ZFR: variants seen among roughly 807,000 people sequenced by gnomAD.
ZFR encodes zinc finger RNA binding protein, also known as zinc finger RNA-binding protein.
ZFR carries 19 observed loss-of-function variants against 130.7 expected under a neutral mutation model. The ratio of observed to expected loss-of-function variants is 0.15; its 90% CI spans 0.10 to 0.21. The LOEUF is 0.21. Ranked by LOEUF, ZFR falls within the 10% of genes least tolerant of loss-of-function variation. ZFR has a pLI of 1.00. For missense variants in ZFR, 872 were observed against 1,321.5 expected (o/e 0.66, Z 5.27); for synonymous variants, 466 against 456.9 (o/e 1.02, Z -0.25).
At position 32,419,802 on chromosome 5, in the gene ZFR, A is replaced by C; in HGVS notation, c.420+19T>G. 6.4e-7 allele frequency: 1 copy of C among 1,573,348 alleles called. No individual in the cohort carries two copies. The highest frequency in any genetic ancestry group is 8.6e-7 in the Non-Finnish European group (1 of 1,158,246). On this transcript the variant is annotated intron_variant, in intron 3 of 19. Coordinates refer to ENST00000265069, the MANE Select transcript of ZFR (RefSeq NM_016107.5). ...AGAAACCCGCACATTCAGGCTACCA[A>C]AACTAGTAGTTTTCTTACCTGGTAG... is the stretch of plus-strand genomic sequence containing the variant.
At chr5:32,356,715 G>A (rs954903897) in intron 19 of ZFR, among the ~76,000 whole-genome samples, 2 of 152,048 alleles carry the variant, frequency 1.3e-5, no homozygotes, top group Admixed American at 6.6e-5. Flanking sequence ...CACTGCGCCC[G>A]GCCTCCAAGT....
At chr5:32,389,966 C>T (rs1161591675) in intron 12 of ZFR, among the ~76,000 whole-genome samples, 1 of 152,228 alleles carries the variant, frequency 6.6e-6, no homozygotes, top group Non-Finnish European at 1.5e-5. Context: ...GCCTGGCCAA[C>T]GTGGCGAAAC....
chr5:32,413,543 A>G (rs1753756601), intron 5 of ZFR, among the ~76,000 whole-genome samples: 1 of 151,994 alleles, frequency 6.6e-6, no homozygotes, highest in Non-Finnish European at 1.5e-5. Context: ...ACTCATGTAA[A>G]TAAAAATTAT....
chr5:32,376,890 A>G (rs1752825290), intron 17 of ZFR, among the ~76,000 whole-genome samples: 1 of 151,334 alleles, frequency 6.6e-6, no homozygotes. Flanking sequence ...GAGGCAGGAG[A>G]ATCGCTTGAA....
At chr5:32,408,060 A>C (rs1480413801) in intron 5 of ZFR, among the ~76,000 whole-genome samples, 1 of 152,170 alleles carries the variant, frequency 6.6e-6, no homozygotes, top group African/African-American at 2.4e-5. Context: ...TATTTTTATA[A>C]CTAAGTAGTA....
At chr5:32,372,086 T>C (rs1241141712) in intron 17 of ZFR, among the ~76,000 whole-genome samples, 1 of 152,178 alleles carries the variant, frequency 6.6e-6, no homozygotes, top group African/African-American at 2.4e-5. Context: ...AGTGCCATAG[T>C]ATATTTGATG....
intron 19 of ZFR, among the ~76,000 whole-genome samples, chr5:32,359,087 T>C (rs1477525677): frequency 6.6e-6 from 1 of 151,726 alleles, no homozygotes; most frequent in African/African-American, 2.4e-5. Flanking sequence ...CTTGCAAGGC[T>C]AAGGCAGGAT....
chr5:32,388,618 G>A lies in ZFR; in HGVS notation c.2199C>T (p.Thr733=). ...GTAACTCCTCTTCAGTTGGATAAAT[G>A]GTGGCATGTTTTGTCATTACATAAC... ...DDRYVMTKHA[T]IYPTEEELQA... is the part of the protein sequence containing the mutation. Residue 733 remains threonine (T), a synonymous_variant, in exon 13 of 20, where the codon ACC becomes ACT. Transcript: ENST00000265069. The A allele has an allele frequency of 6.2e-7, 1 of 1,613,944 alleles. No homozygotes were observed. The highest frequency in any genetic ancestry group is 8.5e-7 in the Non-Finnish European group (1 of 1,179,912).
intron 12 of ZFR, among the ~76,000 whole-genome samples, chr5:32,390,027 T>A (rs1371263104): frequency 1.3e-5 from 2 of 152,208 alleles, no homozygotes; most frequent in Non-Finnish European, 2.9e-5. Context: ...GGTGAGCACC[T>A]GTAATCCCAG....
At chr5:32,372,229 T>A (rs1341028384) in intron 17 of ZFR, among the ~76,000 whole-genome samples, 1 of 152,214 alleles carries the variant, frequency 6.6e-6, no homozygotes, top group Non-Finnish European at 1.5e-5. Flanking sequence ...AAGGTGAGAA[T>A]AGATTTGCAT....
chr5:32,393,772 T>C (rs1165523186), intron 11 of ZFR, among the ~76,000 whole-genome samples: 1 of 152,194 alleles, frequency 6.6e-6, no homozygotes, highest in Non-Finnish European at 1.5e-5. Context: ...TGCTATCCAG[T>C]ATAGGCAGAC....
rs1752275102 is a variant in ZFR at position 32,355,010 on chromosome 5, G to A, written c.*750C>T. 1 of 152,152 alleles carries A rather than the reference G, an allele frequency of 6.6e-6. No individual in the cohort carries two copies. Among genetic ancestry groups the A allele is most frequent in the African/African-American group, 2.4e-5 (1 of 41,446 alleles). The allele number at this position is 152,152 out of a possible 1,614,324, so 9.4% of individuals were successfully genotyped here. A position where few individuals can be genotyped will look rare whatever the true frequency, so the allele number is the denominator to read the frequency against. On this transcript the variant is annotated 3_prime_UTR_variant, in exon 20 of 20. Coordinates refer to ENST00000265069, the MANE Select transcript of ZFR (RefSeq NM_016107.5). Reference sequence around the variant, plus strand: ...AGTCTATTAAAAACAAGAATGTCATGCATTTTTATTATCAATTATGCAGAG... The same window carrying A: ...AGTCTATTAAAAACAAGAATGTCATACATTTTTATTATCAATTATGCAGAG...
At chr5:32,382,287 G>A (rs144536244) in intron 15 of ZFR, among the ~76,000 whole-genome samples, 25 of 152,154 alleles carry the variant, frequency 1.6e-4, no homozygotes, top group African/African-American at 6.0e-4. Context: ...CTCCAGCCTG[G>A]GTGACAGAGT....
chr5:32,355,681 A>G lies in ZFR; in HGVS notation c.*79T>C. 2.3e-6 allele frequency: 3 copies of G among 1,296,490 alleles called. No homozygotes were observed. The highest frequency in any genetic ancestry group is 3.1e-6 in the Non-Finnish European group (3 of 956,646). 80.3% of individuals were successfully genotyped at this position (1,296,490 alleles called of 1,614,324 possible). A position where few individuals can be genotyped will look rare whatever the true frequency, so the allele number is the denominator to read the frequency against. ...CTTTAAATTCTTGATAAATTTTTCA[A>G]TGTAGACATTATTATGAATGAAAAA... On this transcript the variant is annotated 3_prime_UTR_variant, in exon 20 of 20. Coordinates refer to ENST00000265069, the MANE Select transcript of ZFR (RefSeq NM_016107.5).
intron 5 of ZFR, among the ~76,000 whole-genome samples, chr5:32,411,761 C>A (rs1483473609): frequency 6.9e-6 from 1 of 144,442 alleles, no homozygotes; most frequent in Non-Finnish European, 1.5e-5. Context: ...AGCTTAACAA[C>A]CATTTATATA....
intron 2 of ZFR, among the ~76,000 whole-genome samples, chr5:32,440,806 C>T (rs1337989570): frequency 6.6e-6 from 1 of 152,124 alleles, no homozygotes; most frequent in South Asian, 2.1e-4. Context: ...TTACTAGTAG[C>T]CATACTTGAC....
chr5:32,403,108 A>G lies in ZFR; in HGVS notation c.1514T>C (p.Val505Ala). Residue 505 changes from valine to alanine, a missense_variant and splice_region_variant, in exon 8 of 20, where the codon GTT (valine) becomes GCT (alanine). Coordinates refer to ENST00000265069, the MANE Select transcript of ZFR (RefSeq NM_016107.5). The stretch of plus-strand genomic sequence containing the variant: ...GGACAGAGAATATCAGTACTTGCCA[A>G]CAAAATTTATTTTGGGGGTAGATGT... ...KKTSTPKINF[V>A]GGNKLQSTGN... is the part of the protein sequence containing the mutation. 1.2e-6 allele frequency: 2 copies of G among 1,613,606 alleles called. No individual in the cohort carries two copies. The highest frequency in any genetic ancestry group is 1.7e-6 in the Non-Finnish European group (2 of 1,179,750).
chr5:32,414,444 TATA>T (rs546723736), intron 5 of ZFR, among the ~76,000 whole-genome samples: 11 of 152,178 alleles, frequency 7.2e-5, no homozygotes, highest in South Asian at 2.1e-4. Flanking sequence ...GGGAGAAATA[TATA>T]ATTATTTAAG....
rs1305797095 is a variant in ZFR at position 32,406,960 on chromosome 5, C to T, written c.846G>A (p.Gln282=). The T allele has an allele frequency of 6.3e-7, 1 of 1,592,776 alleles. No individual in the cohort carries two copies. Among genetic ancestry groups the T allele is most frequent in the Non-Finnish European group, 8.5e-7 (1 of 1,174,372 alleles). The change falls in exon 6 of 20, where the codon CAG becomes CAA. Residue 282 remains glutamine, a synonymous_variant. Coordinates refer to ENST00000265069, the MANE Select transcript of ZFR (RefSeq NM_016107.5). ...CTGCCTGCTTCTGTTGCTGCTGCTG[C>T]TGTTGATAGTAGGAAGATGCAGCTG... The part of the protein sequence containing the change: ...VYSAASSYYQ[Q]QQQQQKQAAA...
Sources: gnomAD v4.1 joint callset for allele counts (sites outside exome capture counted in the v4.1 genomes callset) on GRCh38, gnomAD v4.1.1 for gene constraint, MANE v1.5 for transcripts, NCBI Gene and HGNC (gene_info 2026-07-23, HGNC 2026-07-21) for gene names.